The following ITGAE variants were observed in gnomAD, a reference collection of about 807,000 sequenced individuals.
The protein encoded by ITGAE is integrin alpha-E.
ITGAE carries 99 observed loss-of-function variants against 136.5 expected under a neutral mutation model. The ratio of observed to expected loss-of-function variants is 0.73; its 90% CI spans 0.62 to 0.86. The LOEUF is 0.86. Ranked by LOEUF, ITGAE falls within the 40% of genes least tolerant of loss-of-function variation. ITGAE has a pLI of 0.00. For missense variants in ITGAE, 1,447 were observed against 1,515.3 expected (o/e 0.95, Z 0.75); for synonymous variants, 613 against 591.8 (o/e 1.04, Z -0.52).
chr17:3,757,401 C>T lies in ITGAE; in HGVS notation c.1021-267G>A, dbSNP rs1210907809. On this transcript the variant is annotated intron_variant, in intron 9 of 30. Coordinates refer to ENST00000263087, the MANE Select transcript of ITGAE (RefSeq NM_002208.5). Reference sequence around the variant, plus strand: ...TGCCTGCAGGGCCCCTCTCTGCCTCCCCTGTGCCCTAGGCCAGCTACTCCC... The same window carrying T: ...TGCCTGCAGGGCCCCTCTCTGCCTCTCCTGTGCCCTAGGCCAGCTACTCCC... 2.0e-5 allele frequency among the ~76,000 whole-genome samples: 3 copies of T among 152,176 alleles called. No homozygotes were observed. The East Asian group carries it at 5.8e-4, about 29-fold the overall frequency.
intron 20 of ITGAE, 140 bp downstream of exon 20, chr17:3,739,665 T>C (rs2051537997): frequency 1.4e-6 from 1 of 702,856 alleles, no homozygotes; most frequent in Admixed American, 2.0e-5. Flanking sequence ...GAGGACATAT[T>C]GAGATAATAA....
intron 17 of ITGAE, among the ~76,000 whole-genome samples, chr17:3,746,805 A>G (rs2143017013): frequency 6.6e-6 from 1 of 152,122 alleles, no homozygotes; most frequent in East Asian, 1.9e-4. Flanking sequence ...GTTAGCCAGG[A>G]TGGTCTCGAT....
chr17:3,739,805 T>A lies in ITGAE; in HGVS notation c.2522A>T (p.Gln841Leu), dbSNP rs191196326. The A allele has an allele frequency of 6.2e-7, 1 of 1,613,866 alleles. No individual in the cohort carries two copies. Among genetic ancestry groups the A allele is most frequent in the Non-Finnish European group, 8.5e-7 (1 of 1,179,720 alleles). The change falls in exon 20 of 31, where the codon CAG (glutamine) becomes CTG (leucine). Residue 841 changes from glutamine to leucine, a missense_variant and splice_region_variant. This residue lies in a region of ITGAE where 1,031 missense variants were observed against 1,011.4 expected (regional missense o/e 1.02). Coordinates refer to ENST00000263087, the MANE Select transcript of ITGAE (RefSeq NM_002208.5). ...AELQLATTVSQQELVVGLTKE... is the reference protein window; with the variant it reads ...AELQLATTVSLQELVVGLTKE... Reference sequence around the variant, plus strand: ...AAACTGACGGCTATGTCCAACTCACTGAGAGACGGTGGTGGCCAACTGTAA... The same window carrying A: ...AAACTGACGGCTATGTCCAACTCACAGAGAGACGGTGGTGGCCAACTGTAA...
Position 3,732,393 on chromosome 17 carries a change from C to T in ITGAE, c.2729G>A (p.Gly910Asp). The change falls in exon 22 of 31, where the codon GGT becomes GAT. Residue 910 changes from glycine (G) to aspartate (D), a missense_variant. Gly to Asp is a moderately conservative substitution (Grantham distance 94, BLOSUM62 -1). Transcript: ENST00000263087. ...ASVLIMNCRI[G>D]HPVLKRSSAH... The stretch of plus-strand genomic sequence containing the variant: ...AGATGACCTCTTGAGGACGGGGTGA[C>T]CAATCCTGCAGTTCATGATCAGGAC... 1 of 1,614,080 alleles carries T rather than the reference C, an allele frequency of 6.2e-7. No individual in the cohort carries two copies. The highest frequency in any genetic ancestry group is 1.3e-5 in the African/African-American group (1 of 75,026).
chr17:3,723,779 A>C, intron 26 of ITGAE, 35 bp from the exon 27 acceptor site: 1 of 1,601,676 alleles, frequency 6.2e-7, no homozygotes, highest in Non-Finnish European at 8.5e-7. Flanking sequence ...CGCGCTGAAC[A>C]AACCAAGCCG....
intron 1 of ITGAE, among the ~76,000 whole-genome samples, chr17:3,782,568 G>C (rs980388006): frequency 1.3e-5 from 2 of 151,722 alleles, no homozygotes; most frequent in African/African-American, 4.8e-5. Flanking sequence ...GGTTTTCACC[G>C]TGTTGGCCAG....
intron 2 of ITGAE, among the ~76,000 whole-genome samples, chr17:3,773,680 ACATAGG>A (rs1315640224): frequency 6.6e-6 from 1 of 152,042 alleles, no homozygotes; most frequent in East Asian, 1.9e-4. Context: ...AGGCCTCATT[ACATAGG>A]CATGACTCAT....
intron 1 of ITGAE, among the ~76,000 whole-genome samples, chr17:3,791,156 A>C (rs1169145126): frequency 4.4e-4 from 21 of 47,982 alleles, no homozygotes; most frequent in African/African-American, 2.2e-3. Context: ...CTCTGTCTCA[A>C]AAAAAAAAAA....
At chr17:3,762,195 G>A (rs2052190300) in intron 3 of ITGAE, among the ~76,000 whole-genome samples, 2 of 152,222 alleles carry the variant, frequency 1.3e-5, no homozygotes, top group Non-Finnish European at 1.5e-5. Flanking sequence ...CTCATTTGCT[G>A]ACCCTTTCAA....
chr17:3,734,536 T>C (rs1299005088), intron 21 of ITGAE, among the ~76,000 whole-genome samples: 1 of 152,172 alleles, frequency 6.6e-6, no homozygotes, highest in Non-Finnish European at 1.5e-5. Context: ...CTAAGCTAAT[T>C]TTTACTTTCT....
At chr17:3,795,111 G>A (rs1054336317) in intron 1 of ITGAE, among the ~76,000 whole-genome samples, 2 of 152,124 alleles carry the variant, frequency 1.3e-5, no homozygotes, top group African/African-American at 4.8e-5. Context: ...GTAACTCCCG[G>A]GTCCCTGAGC....
At position 3,745,710 on chromosome 17, in the gene ITGAE, C is replaced by A. The variant is rs2051695894; in HGVS notation, c.2319+54G>T. 3 of 1,552,486 alleles carry A rather than the reference C, an allele frequency of 1.9e-6. 1 individual carries two copies. In the South Asian group the frequency reaches 3.4e-5, roughly 18 times the overall value. On this transcript the variant is annotated intron_variant, in intron 18 of 30. Transcript: ENST00000263087. ...TGCCCTTCACTGCATCACCTCAAATCCTTTCTCAATGACAAAGACCCCTCC... is the reference window on the plus strand; with the variant it reads ...TGCCCTTCACTGCATCACCTCAAATACTTTCTCAATGACAAAGACCCCTCC...
intron 1 of ITGAE, among the ~76,000 whole-genome samples, chr17:3,783,908 A>G (rs1306787168): frequency 1.3e-5 from 2 of 152,262 alleles, no homozygotes; most frequent in African/African-American, 2.4e-5. Flanking sequence ...GAAAAATACA[A>G]AACACTACAA....
At position 3,732,350 on chromosome 17, in the gene ITGAE, C is replaced by G. The variant is rs1455366391; in HGVS notation, c.2754+18G>C. Reference sequence around the variant, plus strand: ...CTGCAGGGTGGTGAGAAGAGCGAATCAGTCCAAACCGACTCACAGATGACC... The same window carrying G: ...CTGCAGGGTGGTGAGAAGAGCGAATGAGTCCAAACCGACTCACAGATGACC... On this transcript the variant is annotated intron_variant, in intron 22 of 30. Coordinates refer to ENST00000263087, the MANE Select transcript of ITGAE (RefSeq NM_002208.5). The G allele has an allele frequency of 1.9e-6, 3 of 1,587,124 alleles. No individual in the cohort carries two copies. The highest frequency in any genetic ancestry group is 2.6e-6 in the Non-Finnish European group (3 of 1,155,640).
intron 2 of ITGAE, among the ~76,000 whole-genome samples, chr17:3,775,156 AC>A (rs2052511515): frequency 6.6e-6 from 1 of 151,930 alleles, no homozygotes; most frequent in Non-Finnish European, 1.5e-5. Flanking sequence ...TCACTGTGTT[AC>A]CCAGGCTGGT....
intron 2 of ITGAE, among the ~76,000 whole-genome samples, chr17:3,774,569 T>A (rs2052497611): frequency 6.6e-6 from 1 of 152,006 alleles, no homozygotes; most frequent in East Asian, 1.9e-4. Context: ...TTCAAGACCA[T>A]CCTGGCCAAC....
intron 2 of ITGAE, among the ~76,000 whole-genome samples, chr17:3,776,647 C>T (rs2052546990): frequency 6.6e-6 from 1 of 151,954 alleles, no homozygotes; most frequent in Non-Finnish European, 1.5e-5. Flanking sequence ...CAGCCTCGGC[C>T]TCCGGGCCCA....
intron 2 of ITGAE, among the ~76,000 whole-genome samples, chr17:3,769,753 G>A (rs1376372088): frequency 1.3e-5 from 2 of 152,086 alleles, no homozygotes; most frequent in Admixed American, 6.6e-5. Context: ...GCGTGATCTC[G>A]GCTCACTGCA....
rs761863412 is a variant in ITGAE, at chr17:3,728,002, C to G, written c.3001G>C (p.Ala1001Pro). Residue 1001 changes from alanine to proline, a missense_variant, in exon 26 of 31, where the codon GCA becomes CCA. By Grantham distance (27) the Ala-to-Pro change is conservative. Coordinates refer to ENST00000263087, the MANE Select transcript of ITGAE (RefSeq NM_002208.5). The stretch of plus-strand genomic sequence containing the variant: ...ACGCAAATTTGCAACTGGTATTCTG[C>G]TCCAAAGAGGTTCTCCCCATGTACC... Reference protein sequence around the residue: ...FHVHGENLFGAEYQLQICVPT... With the variant: ...FHVHGENLFGPEYQLQICVPT... 8 of 1,613,956 alleles carry G rather than the reference C, an allele frequency of 5.0e-6. No individual in the cohort carries two copies. The Admixed American group carries it at 1.0e-4, about 20-fold the overall frequency.
Sources: gnomAD v4.1 joint callset for allele counts (sites outside exome capture counted in the v4.1 genomes callset) on GRCh38, gnomAD v4.1.1 for gene constraint, gnomAD v4.1.1 regional missense constraint, MANE v1.5 for transcripts, NCBI Gene and HGNC (gene_info 2026-07-23, HGNC 2026-07-21) for gene names.